The following SEMA6D variants were observed in gnomAD, a reference collection of about 807,000 sequenced individuals.
The protein encoded by SEMA6D is semaphorin 6D.
Under a neutral mutation model 106.6 loss-of-function variants are expected in SEMA6D, and 35 were observed. The ratio of observed to expected loss-of-function variants is 0.33; its 90% CI spans 0.25 to 0.44. SEMA6D has a LOEUF of 0.44. SEMA6D is among the 20% of genes least tolerant of loss of function. The pLI is 1.00. For missense variants in SEMA6D, 1,185 were observed against 1,345.9 expected, an observed-to-expected ratio of 0.88 and a Z score of 1.87; for synonymous variants, 499 against 487.7, an observed-to-expected ratio of 1.02 and a Z score of -0.31.
intron 1 of SEMA6D, among the ~76,000 whole-genome samples, chr15:47,259,170 A>C: frequency 6.6e-6 from 1 of 152,102 alleles, no homozygotes; most frequent in East Asian, 1.9e-4. Flanking sequence ...TATAACCTTT[A>C]TTTCAGTCAT....
chr15:47,297,375 C>G (rs16959203), intron 1 of SEMA6D, among the ~76,000 whole-genome samples: 8,696 of 152,180 alleles, frequency 0.057, 430 homozygotes, highest in African/African-American at 0.13. Context: ...ATTTAGCACT[C>G]GTCAGTTTGT....
rs191988048 is a variant in SEMA6D at position 47,452,109 on chromosome 15, A to G, written c.-158-18365A>G. ...CCCCTACTAACCTCTTAGTCCCTTA[A>G]AGCCTAGACCAGAACTTAATTTTCG... On this transcript the variant is annotated intron_variant, in intron 2 of 19. Coordinates refer to the SEMA6D transcript ENST00000558014. 5.8e-3 allele frequency among the ~76,000 whole-genome samples: 878 copies of G among 152,018 alleles called. 6 individuals are homozygous for G. The highest frequency in any genetic ancestry group is 0.016 in the Admixed American group (249 of 15,240).
At chr15:47,299,458 G>T (rs972568791) in intron 1 of SEMA6D, among the ~76,000 whole-genome samples, 5 of 152,168 alleles carry the variant, frequency 3.3e-5, no homozygotes, top group Admixed American at 6.5e-5. Context: ...GATTCCTTTT[G>T]GGTATTTACC....
At chr15:47,529,829 T>C (rs2044894972) in intron 3 of SEMA6D, among the ~76,000 whole-genome samples, 1 of 152,190 alleles carries the variant, frequency 6.6e-6, no homozygotes, top group East Asian at 1.9e-4. Context: ...ATTTTGTAAG[T>C]AATTTTATAT....
At chr15:47,718,032 A>C (rs2079193257) in intron 1 of SEMA6D, among the ~76,000 whole-genome samples, 1 of 152,162 alleles carries the variant, frequency 6.6e-6, no homozygotes, top group African/African-American at 2.4e-5. Context: ...GCCCTCCTCC[A>C]CTGTGCACCC....
chr15:47,510,631 C>A (rs574504076), intron 3 of SEMA6D, among the ~76,000 whole-genome samples: 1 of 152,298 alleles, frequency 6.6e-6, no homozygotes, highest in African/African-American at 2.4e-5. Flanking sequence ...AATTACCAAA[C>A]AACATAAGAC....
intron 1 of SEMA6D, among the ~76,000 whole-genome samples, chr15:47,247,311 G>C (rs1324644732): frequency 6.6e-6 from 1 of 152,108 alleles, no homozygotes; most frequent in African/African-American, 2.4e-5. Context: ...CCTGAAGCAC[G>C]ATTAGGGTTT....
intron 1 of SEMA6D, among the ~76,000 whole-genome samples, chr15:47,211,402 C>T (rs2030004280): frequency 6.6e-6 from 1 of 152,142 alleles, no homozygotes; most frequent in African/African-American, 2.4e-5. Flanking sequence ...CTACTTTATA[C>T]ACAAAATGAG....
At chr15:47,368,387 A>G (rs77939695) in intron 1 of SEMA6D, among the ~76,000 whole-genome samples, 1,538 of 152,248 alleles carry the variant, frequency 0.01, 12 homozygotes, top group Admixed American at 0.016. Flanking sequence ...CTTCCCTCAC[A>G]TACCCACTCC....
intron 3 of SEMA6D, among the ~76,000 whole-genome samples, chr15:47,492,128 A>G (rs1053297481): frequency 6.6e-6 from 1 of 152,192 alleles, no homozygotes; most frequent in Admixed American, 6.5e-5. Context: ...CACAGGAGAA[A>G]TCTTGGCCAT....
At chr15:47,367,689 C>CGT (rs2039098238) in intron 1 of SEMA6D, among the ~76,000 whole-genome samples, 4 of 42,610 alleles carry the variant, frequency 9.4e-5, no homozygotes, top group South Asian at 1.1e-3. Flanking sequence ...CGCGCGCGCG[C>CGT]GCGCACACAC....
chr15:47,294,132 A>G (rs2035705146), intron 1 of SEMA6D, among the ~76,000 whole-genome samples: 1 of 151,458 alleles, frequency 6.6e-6, no homozygotes, highest in Non-Finnish European at 1.5e-5. Flanking sequence ...GCACTATTGG[A>G]GAAGTTAAGA....
chr15:47,490,566 A>T (rs964124055), intron 3 of SEMA6D, among the ~76,000 whole-genome samples: 2 of 152,114 alleles, frequency 1.3e-5, no homozygotes, highest in Middle Eastern at 3.2e-3. Flanking sequence ...AATCACTGGA[A>T]CCCAGGAGGT....
At chr15:47,291,794 A>G (rs1352123003) in intron 1 of SEMA6D, among the ~76,000 whole-genome samples, 1 of 152,202 alleles carries the variant, frequency 6.6e-6, no homozygotes, top group African/African-American at 2.4e-5. Flanking sequence ...TAACACTGTG[A>G]TAGACCTTTT....
At chr15:47,621,291 A>G (rs1449409802) in intron 4 of SEMA6D, among the ~76,000 whole-genome samples, 1 of 152,218 alleles carries the variant, frequency 6.6e-6, no homozygotes, top group African/African-American at 2.4e-5. Flanking sequence ...GAACAAAAGG[A>G]TCGCCAAATG....
intron 1 of SEMA6D, among the ~76,000 whole-genome samples, chr15:47,320,849 C>G (rs755065885): frequency 6.6e-6 from 1 of 152,014 alleles, no homozygotes; most frequent in Admixed American, 6.6e-5. Context: ...ACTCTCCAGC[C>G]CGCCCCCCAC....
chr15:47,191,857 A>G (rs1435662450), intron 1 of SEMA6D, among the ~76,000 whole-genome samples: 1 of 152,176 alleles, frequency 6.6e-6, no homozygotes. Flanking sequence ...TCTCTGTTAT[A>G]GAGTTGCTGG....
intron 1 of SEMA6D, chr15:47,272,930 A>G (rs1170727965): frequency 6.6e-6 from 1 of 152,174 alleles, no homozygotes; most frequent in Non-Finnish European, 1.5e-5. Context: ...TAGGAGGACA[A>G]GCCAAAGATT....
chr15:47,266,516 G>A (rs1345712841), intron 1 of SEMA6D, among the ~76,000 whole-genome samples: 2 of 152,022 alleles, frequency 1.3e-5, no homozygotes, highest in Non-Finnish European at 2.9e-5. Flanking sequence ...TTCCAACATG[G>A]AACCACTGCC....
Sources: allele counts gnomAD v4.1 joint callset (sites outside exome capture counted in the v4.1 genomes callset), GRCh38; gene constraint gnomAD v4.1.1; transcripts MANE v1.5; gene names NCBI Gene and HGNC (gene_info 2026-07-23, HGNC 2026-07-21).